PAK5: variants seen among roughly 807,000 people sequenced by gnomAD.
PAK5 encodes serine/threonine-protein kinase PAK 5.
PAK5 carries 16 observed loss-of-function variants against 65.9 expected under a neutral mutation model. The observed-to-expected ratio is 0.24, with a 90% CI of 0.16 to 0.37. PAK5 has a LOEUF of 0.37. Among genes scored for constraint, PAK5 ranks in the 10% least tolerant of loss-of-function variants. PAK5 has a pLI of 1.00. For synonymous variants in PAK5, 371 were observed against 354.9 expected (o/e 1.05, Z -0.51); for missense variants, 785 against 903.9 (o/e 0.87, Z 1.69).
rs531318472 is a variant in PAK5, at chr20:9,763,443, C to G, written c.-161-52008G>C. Among the ~76,000 whole-genome samples, 12 of 152,058 alleles carry G rather than the reference C, an allele frequency of 7.9e-5. No homozygotes were observed. In the East Asian group the frequency reaches 2.1e-3, roughly 27 times the overall value. ...TATAGCTTCTTACATGTCAACCATT[C>G]TGCAAAAAAGTAGTTTTTAAAAAAC... On this transcript the variant is annotated intron_variant, in intron 1 of 9. Coordinates refer to ENST00000353224, the MANE Select transcript of PAK5 (RefSeq NM_177990.4).
intron 1 of PAK5, among the ~76,000 whole-genome samples, chr20:9,761,124 A>G (rs1197767767): frequency 6.6e-6 from 1 of 152,156 alleles, no homozygotes; most frequent in Non-Finnish European, 1.5e-5. Flanking sequence ...AACGCAACAG[A>G]AGTTTAAAAG....
intron 1 of PAK5, among the ~76,000 whole-genome samples, chr20:9,823,926 T>C (rs117458573): frequency 2.1e-4 from 32 of 152,272 alleles, no homozygotes; most frequent in Non-Finnish European, 4.1e-4. Flanking sequence ...TCTTAATCAA[T>C]AGAGCAAGGC....
At chr20:9,554,153 A>G (rs1257052561) in intron 7 of PAK5, among the ~76,000 whole-genome samples, 1 of 152,200 alleles carries the variant, frequency 6.6e-6, no homozygotes, top group Non-Finnish European at 1.5e-5. Flanking sequence ...AATGCCAACA[A>G]TAATTTTGCC....
intron 2 of PAK5, among the ~76,000 whole-genome samples, chr20:9,687,304 T>A (rs183664330): frequency 5.7e-4 from 87 of 152,338 alleles, no homozygotes; most frequent in African/African-American, 1.8e-3. Context: ...AAGATTCTCA[T>A]TTTTAGGAAG....
At chr20:9,746,297 T>A (rs1416726982) in intron 1 of PAK5, among the ~76,000 whole-genome samples, 5 of 152,152 alleles carry the variant, frequency 3.3e-5, no homozygotes, top group African/African-American at 1.2e-4. Context: ...GAACGCATCT[T>A]TTCTCTATCA....
chr20:9,826,206 T>G (rs1283259620), intron 1 of PAK5, among the ~76,000 whole-genome samples: 2 of 147,482 alleles, frequency 1.4e-5, no homozygotes, highest in African/African-American at 5.2e-5. Context: ...TAGATTTTTT[T>G]TTTTCTGGGA....
intron 1 of PAK5, among the ~76,000 whole-genome samples, chr20:9,827,458 T>C (rs764226120): frequency 2.0e-5 from 3 of 152,168 alleles, no homozygotes; most frequent in Non-Finnish European, 4.4e-5. Flanking sequence ...CTGACATGTG[T>C]AGGCATAAAG....
intron 2 of PAK5, among the ~76,000 whole-genome samples, chr20:9,654,752 T>C (rs2047244940): frequency 6.6e-6 from 1 of 152,164 alleles, no homozygotes; most frequent in Non-Finnish European, 1.5e-5. Flanking sequence ...CTCCCTTTCA[T>C]TAAGCCTTAC....
intron 1 of PAK5, among the ~76,000 whole-genome samples, chr20:9,746,731 G>A (rs916459027): frequency 2.7e-5 from 4 of 149,406 alleles, no homozygotes; most frequent in Admixed American, 6.7e-5. Flanking sequence ...GCTGCCACAG[G>A]AACCGCACAG....
rs2047103177 is a variant in PAK5 at position 9,644,155 on chromosome 20, G to A, written c.174C>T (p.Cys58=). 5 of 1,613,570 alleles carry A rather than the reference G, an allele frequency of 3.1e-6. No homozygotes were observed. The highest frequency in any genetic ancestry group is 2.2e-5 in the South Asian group (2 of 90,934). The part of the protein sequence containing the change: ...NRPKPMVDPS[C]ITPIQLAPMK... ...TAGGAGCCAGCTGGATGGGTGTGATGCATGAAGGGTCCACCATAGGCTTTG... is the reference window on the plus strand; with the variant it reads ...TAGGAGCCAGCTGGATGGGTGTGATACATGAAGGGTCCACCATAGGCTTTG... Residue 58 remains cysteine, a synonymous_variant, in exon 3 of 10, where the codon TGC becomes TGT. Coordinates refer to ENST00000353224, the MANE Select transcript of PAK5 (RefSeq NM_177990.4).
chr20:9,664,720 T>C (rs774021937), intron 2 of PAK5, among the ~76,000 whole-genome samples: 6 of 152,156 alleles, frequency 3.9e-5, no homozygotes, highest in Admixed American at 1.3e-4. Flanking sequence ...GCTTGGATGA[T>C]AGTTATTGTT....
chr20:9,681,853 G>T (rs2047654071), intron 2 of PAK5, among the ~76,000 whole-genome samples: 1 of 151,942 alleles, frequency 6.6e-6, no homozygotes. Context: ...CAGGTCTCCT[G>T]GTGAAAAATA....
chr20:9,777,459 G>A lies in PAK5; in HGVS notation c.-162+61303C>T, dbSNP rs2048898500. ...TTCCCCTGGCAGGCAATGCCAGCAT[G>A]TAAGATGTGACTTTGCTCCTCATTC... On this transcript the variant is annotated intron_variant, in intron 1 of 9. Coordinates refer to ENST00000353224, the MANE Select transcript of PAK5 (RefSeq NM_177990.4). 2.6e-5 allele frequency among the ~76,000 whole-genome samples: 4 copies of A among 152,202 alleles called. No individual in the cohort carries two copies. In the South Asian group the frequency reaches 8.3e-4, roughly 32 times the overall value.
intron 3 of PAK5, among the ~76,000 whole-genome samples, chr20:9,596,677 T>C (rs2046275495): frequency 6.8e-6 from 1 of 147,072 alleles, no homozygotes; most frequent in African/African-American, 2.5e-5. Context: ...AGAGAAGTCG[T>C]GGCTTGAGGA....
At chr20:9,736,832 A>G (rs923501761) in intron 1 of PAK5, among the ~76,000 whole-genome samples, 3 of 152,234 alleles carry the variant, frequency 2.0e-5, no homozygotes, top group Non-Finnish European at 4.4e-5. Flanking sequence ...CACAAGAAAC[A>G]TGAAGAAAAT....
chr20:9,593,643 A>G (rs906069256), intron 3 of PAK5, among the ~76,000 whole-genome samples: 4 of 151,836 alleles, frequency 2.6e-5, no homozygotes, highest in African/African-American at 9.7e-5. Context: ...TCATTGTTCA[A>G]CTCTGTTCAA....
intron 2 of PAK5, among the ~76,000 whole-genome samples, chr20:9,661,207 T>C (rs2047341576): frequency 6.6e-6 from 1 of 152,150 alleles, no homozygotes; most frequent in Non-Finnish European, 1.5e-5. Flanking sequence ...AATTAAGTGA[T>C]TGTATGGTTT....
intron 3 of PAK5, among the ~76,000 whole-genome samples, chr20:9,634,893 T>C (rs1416256781): frequency 2.0e-5 from 3 of 152,030 alleles, no homozygotes; most frequent in Non-Finnish European, 4.4e-5. Flanking sequence ...GAAATGTGAG[T>C]GTCCAAGTCC....
intron 1 of PAK5, among the ~76,000 whole-genome samples, chr20:9,753,438 T>C (rs1432857695): frequency 6.6e-6 from 1 of 152,182 alleles, no homozygotes; most frequent in African/African-American, 2.4e-5. Context: ...AACTATATGA[T>C]AAATTCCTAT....
Sources: gnomAD v4.1 joint callset for allele counts (sites outside exome capture counted in the v4.1 genomes callset) on GRCh38, gnomAD v4.1.1 for gene constraint, MANE v1.5 for transcripts, NCBI Gene and HGNC (gene_info 2026-07-23, HGNC 2026-07-21) for gene names.